CNOT4: variants seen among roughly 807,000 people sequenced by gnomAD.
CNOT4 encodes CCR4-associated factor 4.
Under a neutral mutation model 73.8 loss-of-function variants are expected in CNOT4, and 8 were observed. That is an observed-to-expected ratio of 0.11 (90% CI 0.06 to 0.20). CNOT4 has a LOEUF of 0.20. CNOT4 is among the 10% of genes least tolerant of loss of function. CNOT4 has a pLI of 1.00. For synonymous variants in CNOT4, 293 were observed against 321.1 expected (o/e 0.91, Z 0.94); for missense variants, 564 against 883.4 (o/e 0.64, Z 4.58).
At position 135,394,028 on chromosome 7, in the gene CNOT4, T is replaced by C. The variant is rs1796540480; in HGVS notation, c.1517A>G (p.Asn506Ser). 11 of 1,614,178 alleles carry C rather than the reference T, an allele frequency of 6.8e-6. No homozygotes were observed. Among genetic ancestry groups the C allele is most frequent in the Non-Finnish European group, 9.3e-6 (11 of 1,180,024 alleles). ...TGTGTGGTTCAAGTGCATGATGCTA[T>C]TGCGTGGAAAGGCCATCCAAGGATA... ...ARYPWMAFPR[N>S]SIMHLNHTAN... The change falls in exon 10 of 12, where the codon AAT becomes AGT. Residue 506 changes from asparagine to serine, a missense_variant. Around this residue, in one of 10 missense-constraint regions of CNOT4, gnomAD observed 153 missense variants for 158.7 expected, o/e 0.96. Coordinates refer to ENST00000541284, the MANE Select transcript of CNOT4 (RefSeq NM_001190850.2).
chr7:135,452,670 A>G (rs1244401123), intron 1 of CNOT4, among the ~76,000 whole-genome samples: 3 of 152,222 alleles, frequency 2.0e-5, no homozygotes, highest in Non-Finnish European at 4.4e-5. Flanking sequence ...TTAGAAATGA[A>G]CGTTTACTTG....
Position 135,373,610 on chromosome 7 carries a change from C to CTCTG in CNOT4, c.1628-9548_1628-9545dup, listed in dbSNP as rs559699348. 3.3e-5 allele frequency among the ~76,000 whole-genome samples: 5 copies of CTCTG among 152,296 alleles called. No homozygotes were observed. The East Asian group carries it at 9.6e-4, about 29-fold the overall frequency. On this transcript the variant is annotated intron_variant, in intron 10 of 11. Coordinates refer to ENST00000541284, the MANE Select transcript of CNOT4 (RefSeq NM_001190850.2). ...TTTTATTTTTTGAAACCAAGTCTTGCTCTGTCACCTAGGCTGGAGTGCAAT... is the reference window on the plus strand; with the variant it reads ...TTTTATTTTTTGAAACCAAGTCTTGCTCTGTCTGTCACCTAGGCTGGAGTGCAAT...
intron 3 of CNOT4, among the ~76,000 whole-genome samples, chr7:135,419,061 T>TCA (rs1396829603): frequency 2.6e-5 from 4 of 152,136 alleles, no homozygotes; most frequent in Non-Finnish European, 1.5e-5. Context: ...AATTAGGTCC[T>TCA]CACAAATCTA....
chr7:135,448,883 T>C (rs185224730), intron 1 of CNOT4, among the ~76,000 whole-genome samples: 1 of 151,722 alleles, frequency 6.6e-6, no homozygotes, highest in Non-Finnish European at 1.5e-5. Flanking sequence ...GAAGACAGAT[T>C]GATAGAGATG....
intron 1 of CNOT4, 140 bp downstream of exon 1, chr7:135,509,749 A>C (rs1285951498): frequency 6.6e-6 from 2 of 302,960 alleles, no homozygotes; most frequent in Non-Finnish European, 5.9e-6. Flanking sequence ...GAGGAAGAAG[A>C]CCAAGGAGGA....
In CNOT4 at chr7:135,398,274, C is replaced by G. The variant is rs763930592; in HGVS notation, c.822-48G>C. 3.1e-6 allele frequency: 3 copies of G among 967,428 alleles called. No individual in the cohort carries two copies. In the South Asian group the frequency reaches 4.2e-5, roughly 13 times the overall value. The allele number at this position is 967,428 out of a possible 1,614,324, so 59.9% of individuals were successfully genotyped here. On this transcript the variant is annotated intron_variant, in intron 7 of 11. Transcript: ENST00000541284. ...ATAAAATCAGAATATAGTCATTCTC[C>G]TACAATAAAAACAAACTCCTCAAAA...
At chr7:135,503,154 A>C (rs1328921563) in intron 1 of CNOT4, among the ~76,000 whole-genome samples, 1 of 151,994 alleles carries the variant, frequency 6.6e-6, no homozygotes, top group Non-Finnish European at 1.5e-5. Flanking sequence ...ACACCATCTC[A>C]AAATAAATAA....
intron 1 of CNOT4, among the ~76,000 whole-genome samples, chr7:135,492,189 G>A (rs1803155541): frequency 6.6e-6 from 1 of 152,106 alleles, no homozygotes; most frequent in South Asian, 2.1e-4. Context: ...AATGGACTAA[G>A]AAAATAGAGT....
In CNOT4 at chr7:135,362,672, C is replaced by CAAATGCTG. The variant is rs1356486121; in HGVS notation, c.*205_*212dup. The CAAATGCTG allele has an allele frequency of 1.4e-6, 1 of 693,552 alleles. No individual in the cohort carries two copies. The highest frequency in any genetic ancestry group is 2.6e-5 in the East Asian group (1 of 37,894). 43.0% of individuals were successfully genotyped at this position (693,552 alleles called of 1,614,324 possible). ...TTTAGAAACATTCAACAGTGTCACT[C>CAAATGCTG]AAATGCTGGATCAACAAAAATTTTT... On this transcript the variant is annotated 3_prime_UTR_variant, in exon 12 of 12. Coordinates refer to ENST00000541284, the MANE Select transcript of CNOT4 (RefSeq NM_001190850.2).
At chr7:135,439,508 T>C (rs1264324965) in intron 1 of CNOT4, among the ~76,000 whole-genome samples, 1 of 152,220 alleles carries the variant, frequency 6.6e-6, no homozygotes, top group Non-Finnish European at 1.5e-5. Flanking sequence ...CTCATGACTG[T>C]AATCCCAGCA....
intron 3 of CNOT4, among the ~76,000 whole-genome samples, chr7:135,421,595 C>T (rs1386089219): frequency 6.6e-6 from 1 of 152,170 alleles, no homozygotes; most frequent in Non-Finnish European, 1.5e-5. Context: ...CTCTCCTCCC[C>T]CGAATGAATG....
At chr7:135,400,699 A>C (rs1585587516) in intron 7 of CNOT4, among the ~76,000 whole-genome samples, 1 of 152,278 alleles carries the variant, frequency 6.6e-6, no homozygotes, top group Middle Eastern at 3.4e-3. Context: ...GCACTGATTC[A>C]TAATACTTTA....
At chr7:135,479,887 A>G (rs1177512652) in intron 1 of CNOT4, among the ~76,000 whole-genome samples, 1 of 152,174 alleles carries the variant, frequency 6.6e-6, no homozygotes, top group Non-Finnish European at 1.5e-5. Context: ...GAGAACTTAC[A>G]TCAAAAAAAC....
intron 1 of CNOT4, among the ~76,000 whole-genome samples, chr7:135,492,983 G>A (rs1340766012): frequency 6.6e-6 from 1 of 152,130 alleles, no homozygotes; most frequent in African/African-American, 2.4e-5. Context: ...AAAAGAGAAG[G>A]TGTAACCCAG....
intron 1 of CNOT4, among the ~76,000 whole-genome samples, chr7:135,498,071 T>A (rs1803709115): frequency 6.6e-6 from 1 of 152,182 alleles, no homozygotes; most frequent in Admixed American, 6.5e-5. Context: ...ATGAGGAAGC[T>A]GAGTCCCAAA....
At chr7:135,464,455 T>G (rs1232374349) in intron 1 of CNOT4, among the ~76,000 whole-genome samples, 1 of 152,192 alleles carries the variant, frequency 6.6e-6, no homozygotes, top group Non-Finnish European at 1.5e-5. Flanking sequence ...ATACTGCATG[T>G]TCTCACTTAT....
intron 10 of CNOT4, among the ~76,000 whole-genome samples, chr7:135,368,954 A>G (rs1795054788): frequency 1.3e-5 from 2 of 152,182 alleles, no homozygotes; most frequent in South Asian, 2.1e-4. Flanking sequence ...GTAAAACTAT[A>G]AATAGCAAAA....
At chr7:135,441,500 A>G (rs930149191) in intron 1 of CNOT4, among the ~76,000 whole-genome samples, 1 of 152,108 alleles carries the variant, frequency 6.6e-6, no homozygotes, top group Non-Finnish European at 1.5e-5. Context: ...TAGGTCCCCC[A>G]ACTTTAAACA....
intron 10 of CNOT4, among the ~76,000 whole-genome samples, chr7:135,370,077 T>C (rs1367688261): frequency 3.9e-5 from 6 of 152,192 alleles, no homozygotes; most frequent in East Asian, 1.9e-4. Flanking sequence ...TTATGAAAAA[T>C]GTTATTCTAG....
Sources: gnomAD v4.1 joint callset for allele counts (sites outside exome capture counted in the v4.1 genomes callset) on GRCh38, gnomAD v4.1.1 for gene constraint, gnomAD v4.1.1 regional missense constraint, MANE v1.5 for transcripts, NCBI Gene and HGNC (gene_info 2026-07-23, HGNC 2026-07-21) for gene names.